The following SLC9C1 variants were observed in gnomAD, a reference collection of about 807,000 sequenced individuals.
SLC9C1 encodes solute carrier family 9 member C1, also known as sodium/hydrogen exchanger 10.
SLC9C1 carries 97 observed loss-of-function variants against 140.9 expected under a neutral mutation model. The observed-to-expected ratio is 0.69, with a 90% confidence interval of 0.58 to 0.82. SLC9C1 has a LOEUF of 0.82. Among genes scored for constraint, SLC9C1 ranks in the 40% least tolerant of loss-of-function variants. SLC9C1 has a pLI of 0.00. For synonymous variants in SLC9C1, 440 were observed against 442.6 expected, an observed-to-expected ratio of 0.99 and a Z score of 0.07; for missense variants, 1,340 against 1,389.3, an observed-to-expected ratio of 0.96 and a Z score of 0.56.
rs557094119 is a variant in SLC9C1, at chr3:112,229,456, TTA to T, written c.1572+1903_1572+1904del. Among the ~76,000 whole-genome samples, 386 of 152,236 alleles carry T rather than the reference TTA, an allele frequency of 2.5e-3. 2 individuals carry two copies. Among genetic ancestry groups the T allele is most frequent in the African/African-American group, 8.4e-3 (348 of 41,568 alleles). Reference sequence around the variant, plus strand: ...CATTGTGCCTCATAAATATGTATAATTATATGTCAATTAAAACAACAGCAATA... The same window carrying T: ...CATTGTGCCTCATAAATATGTATAATTATGTCAATTAAAACAACAGCAATA... On this transcript the variant is annotated intron_variant, in intron 13 of 28. Coordinates refer to ENST00000305815, the MANE Select transcript of SLC9C1 (RefSeq NM_183061.3).
intron 26 of SLC9C1, among the ~76,000 whole-genome samples, chr3:112,160,915 A>G (rs1408512965): frequency 6.6e-6 from 1 of 152,118 alleles, no homozygotes; most frequent in Non-Finnish European, 1.5e-5. Context: ...ATTTCTCCAC[A>G]TCCTCCCCAG....
chr3:112,253,595 A>G (rs1240745008), intron 10 of SLC9C1, among the ~76,000 whole-genome samples: 2 of 152,218 alleles, frequency 1.3e-5, no homozygotes, highest in Admixed American at 6.5e-5. Flanking sequence ...CCTTGGCCCA[A>G]TGAAAACATT....
intron 20 of SLC9C1, among the ~76,000 whole-genome samples, chr3:112,182,468 C>A (rs1378876367): frequency 6.6e-6 from 1 of 152,010 alleles, no homozygotes; most frequent in Non-Finnish European, 1.5e-5. Flanking sequence ...TCAGGTGATA[C>A]ATGTGCAGAT....
At chr3:112,235,424 G>A (rs533618326) in intron 12 of SLC9C1, among the ~76,000 whole-genome samples, 230 of 151,076 alleles carry the variant, frequency 1.5e-3, no homozygotes, top group Middle Eastern at 3.4e-3. Flanking sequence ...CTGCAAACAG[G>A]GACAATTTGA....
chr3:112,232,012 G>T (rs2078843669), intron 12 of SLC9C1, among the ~76,000 whole-genome samples: 1 of 152,176 alleles, frequency 6.6e-6, no homozygotes, highest in South Asian at 2.1e-4. Context: ...GGAAATGGGA[G>T]TATGAATAAT....
chr3:112,190,928 A>AACACACTCACAC (rs1213693880), intron 20 of SLC9C1, among the ~76,000 whole-genome samples: 3 of 138,682 alleles, frequency 2.2e-5, no homozygotes, highest in East Asian at 4.0e-4. Context: ...ACTTTTTTTA[A>AACACACTCACAC]ACACACACAC....
chr3:112,195,459 TAAG>T (rs2077749577), intron 20 of SLC9C1, among the ~76,000 whole-genome samples: 2 of 152,166 alleles, frequency 1.3e-5, no homozygotes, highest in South Asian at 2.1e-4. Context: ...TAATTACTGA[TAAG>T]AAGGAACTTA....
chr3:112,250,112 T>C (rs2079409612), intron 10 of SLC9C1, among the ~76,000 whole-genome samples: 1 of 148,496 alleles, frequency 6.7e-6, no homozygotes, highest in Non-Finnish European at 1.5e-5. Context: ...CCTTCCTGTG[T>C]CCATGTGTTC....
chr3:112,172,308 CTT>C (rs1576266807), intron 23 of SLC9C1, among the ~76,000 whole-genome samples: 3 of 151,932 alleles, frequency 2.0e-5, no homozygotes, highest in South Asian at 4.2e-4. Flanking sequence ...AACTTTATCT[CTT>C]TTATACTTTG....
At chr3:112,246,283 A>G (rs966293054) in intron 10 of SLC9C1, among the ~76,000 whole-genome samples, 1 of 152,178 alleles carries the variant, frequency 6.6e-6, no homozygotes, top group African/African-American at 2.4e-5. Flanking sequence ...GCTTTTGTAG[A>G]GTGTGGTACC....
rs150489400 is a variant in SLC9C1, at chr3:112,166,295, A to G, written c.3364+926T>C. ...CACTGTCCTGCACCCACTTTCTGAC[A>G]CTCCCCAGTGAGATGAACCCGGTAC... On this transcript the variant is annotated intron_variant, in intron 26 of 28. Transcript: ENST00000305815. 9.0e-3 allele frequency among the ~76,000 whole-genome samples: 1,372 copies of G among 151,838 alleles called. 54 individuals carry two copies. The highest frequency in any genetic ancestry group is 0.067 in the East Asian group (345 of 5,160).
At chr3:112,202,613 A>G (rs955352435) in intron 17 of SLC9C1, among the ~76,000 whole-genome samples, 1 of 151,984 alleles carries the variant, frequency 6.6e-6, no homozygotes, top group African/African-American at 2.4e-5. Context: ...GGGGGTACCT[A>G]TGTGAAATTT....
intron 20 of SLC9C1, among the ~76,000 whole-genome samples, chr3:112,192,407 C>T (rs2077682109): frequency 6.6e-6 from 1 of 152,126 alleles, no homozygotes; most frequent in Non-Finnish European, 1.5e-5. Context: ...CAAGATTCAT[C>T]TATATTGTAG....
chr3:112,274,885 A>C lies in SLC9C1; in HGVS notation c.613+12T>G, dbSNP rs757099135. ...TCTGATGTTGAGAAAAATTTTTTAA[A>C]AATATACTTACCTAAGGTATGGTTT... On this transcript the variant is annotated intron_variant, in intron 6 of 28. Coordinates refer to ENST00000305815, the MANE Select transcript of SLC9C1 (RefSeq NM_183061.3). The C allele has an allele frequency of 5.9e-6, 9 of 1,532,544 alleles. No individual in the cohort carries two copies. The East Asian group carries it at 2.1e-4, about 36-fold the overall frequency. The allele number at this position is 1,532,544 out of a possible 1,614,324, so 94.9% of individuals were successfully genotyped here. A position where few individuals can be genotyped will look rare whatever the true frequency, so the allele number is the denominator to read the frequency against.
intron 15 of SLC9C1, among the ~76,000 whole-genome samples, chr3:112,214,690 C>T (rs1434553772): frequency 6.6e-5 from 10 of 152,212 alleles, no homozygotes; most frequent in South Asian, 2.1e-4. Flanking sequence ...AGACCAATAA[C>T]AGGCTCTGAA....
At chr3:112,212,297 A>C (rs2078229576) in intron 15 of SLC9C1, among the ~76,000 whole-genome samples, 1 of 152,166 alleles carries the variant, frequency 6.6e-6, no homozygotes, top group African/African-American at 2.4e-5. Flanking sequence ...AAATCAGAGC[A>C]CCTCTCCCCC....
chr3:112,145,531 G>A (rs1162179863), intron 28 of SLC9C1, among the ~76,000 whole-genome samples: 1 of 142,578 alleles, frequency 7.0e-6, no homozygotes, highest in Non-Finnish European at 1.5e-5. Context: ...AGTAGAATTA[G>A]TACTAGCTCT....
intron 10 of SLC9C1, among the ~76,000 whole-genome samples, chr3:112,246,801 C>G (rs2108241390): frequency 6.6e-6 from 1 of 152,244 alleles, no homozygotes; most frequent in Middle Eastern, 3.4e-3. Flanking sequence ...TGCCATAGCC[C>G]TTCATAGAAA....
chr3:112,291,385 A>G (rs2108378945), intron 1 of SLC9C1, among the ~76,000 whole-genome samples: 1 of 152,378 alleles, frequency 6.6e-6, no homozygotes, highest in Non-Finnish European at 1.5e-5. Context: ...CAAAGGTCTA[A>G]TATCCAGCAT....
Sources: gnomAD v4.1 joint callset for allele counts (sites outside exome capture counted in the v4.1 genomes callset) on GRCh38, gnomAD v4.1.1 for gene constraint, MANE v1.5 for transcripts, NCBI Gene and HGNC (gene_info 2026-07-23, HGNC 2026-07-21) for gene names.